Variants in CDH18 observed in about 807,000 individuals in gnomAD.
The protein encoded by CDH18 is cadherin 18.
Under a neutral mutation model 67.9 loss-of-function variants are expected in CDH18, and 31 were observed. The ratio of observed to expected loss-of-function variants is 0.46; its 90% CI spans 0.34 to 0.62. The LOEUF (loss-of-function observed/expected upper bound fraction) is 0.62. Ranked by LOEUF, CDH18 falls within the 20% of genes least tolerant of loss-of-function variation. The pLI, the probability that CDH18 is intolerant of heterozygous loss-of-function variation, is 0.01. For synonymous variants in CDH18, 362 were observed against 347.2 expected (o/e 1.04, Z -0.48); for missense variants, 890 against 975.5 (o/e 0.91, Z 1.17).
Position 20,150,727 on chromosome 5 carries a change from T to C in CDH18, c.-518+104717A>G, listed in dbSNP as rs138147638. Reference sequence around the variant, plus strand: ...GCCTATTGCAAAGATCTACCATAGATAGATCCATTATGTTTTTCTATGGAG... The same window carrying C: ...GCCTATTGCAAAGATCTACCATAGACAGATCCATTATGTTTTTCTATGGAG... On this transcript the variant is annotated intron_variant, in intron 2 of 14. Transcript: ENST00000507958. 2.9e-3 allele frequency among the ~76,000 whole-genome samples: 443 copies of C among 152,160 alleles called. 1 individual carries two copies. The highest frequency in any genetic ancestry group is 4.7e-3 in the Non-Finnish European group (319 of 67,938).
Position 19,747,127 on chromosome 5 carries a change from G to C in CDH18, c.338C>G (p.Thr113Arg). The C allele has an allele frequency of 6.2e-7, 1 of 1,614,076 alleles. No homozygotes were observed. The highest frequency in any genetic ancestry group is 8.5e-7 in the Non-Finnish European group (1 of 1,179,992). Residue 113 changes from threonine (T) to arginine (R), a missense_variant, in exon 4 of 13, where the codon ACA (threonine) becomes AGA (arginine). Around this residue, in one of 2 missense-constraint regions of CDH18, gnomAD observed 234 missense variants for 307.4 expected, o/e 0.76. Coordinates refer to ENST00000382275, the MANE Select transcript of CDH18 (RefSeq NM_004934.5). ...IDDTTGDIHSTKSLDREQKTH... is the reference protein window; with the variant it reads ...IDDTTGDIHSRKSLDREQKTH... ...CTTCTGCTCTCTGTCTAGGCTTTTT[G>C]TTGAGTGGATATCACCCGTGGTATC...
chr5:19,754,359 C>T (rs760043811), intron 3 of CDH18, among the ~76,000 whole-genome samples: 9 of 152,062 alleles, frequency 5.9e-5, no homozygotes, highest in Non-Finnish European at 1.0e-4. Flanking sequence ...GCAGGAGTAG[C>T]TATTCTTATA....
chr5:20,152,453 T>C (rs1358083640), intron 2 of CDH18, among the ~76,000 whole-genome samples: 1 of 151,640 alleles, frequency 6.6e-6, no homozygotes, highest in African/African-American at 2.4e-5. Flanking sequence ...TTGAAATACT[T>C]TCCTTGTAGA....
chr5:19,643,369 GATAAC>G (rs1171659587), intron 5 of CDH18, among the ~76,000 whole-genome samples: 9 of 152,134 alleles, frequency 5.9e-5, no homozygotes, highest in Non-Finnish European at 1.0e-4. Context: ...ATTTTGAGAA[GATAAC>G]TATAGTCCCA....
chr5:20,445,723 C>A (rs1202924149), intron 1 of CDH18, among the ~76,000 whole-genome samples: 3 of 152,144 alleles, frequency 2.0e-5, no homozygotes, highest in Non-Finnish European at 4.4e-5. Context: ...CAACTTGTTA[C>A]TGAGAATTCT....
At chr5:20,193,488 C>G (rs1307363515) in intron 2 of CDH18, among the ~76,000 whole-genome samples, 2 of 152,056 alleles carry the variant, frequency 1.3e-5, no homozygotes, top group Non-Finnish European at 2.9e-5. Context: ...AGATTCACAG[C>G]TGAATTCTAC....
intron 1 of CDH18, among the ~76,000 whole-genome samples, chr5:20,498,325 T>G (rs1383924621): frequency 6.6e-6 from 1 of 152,092 alleles, no homozygotes; most frequent in African/African-American, 2.4e-5. Flanking sequence ...CTTTTCCAGA[T>G]GTAACACAAT....
chr5:19,775,851 G>C (rs550585235), intron 3 of CDH18, among the ~76,000 whole-genome samples: 1 of 152,128 alleles, frequency 6.6e-6, no homozygotes, highest in Non-Finnish European at 1.5e-5. Context: ...AAAGGCCATG[G>C]TAAGGGAGAA....
intron 2 of CDH18, among the ~76,000 whole-genome samples, chr5:20,124,486 A>C (rs4354045): frequency 0.85 from 129,485 of 152,088 alleles, 56,472 homozygotes; most frequent in Non-Finnish European, 0.94. Context: ...AATTGCTGTG[A>C]GGATTAAAAT....
intron 1 of CDH18, among the ~76,000 whole-genome samples, chr5:20,309,639 C>G (rs76792324): frequency 6.6e-6 from 1 of 152,132 alleles, no homozygotes; most frequent in Non-Finnish European, 1.5e-5. Context: ...GTTAACATAT[C>G]ACTACATAAT....
intron 1 of CDH18, among the ~76,000 whole-genome samples, chr5:20,298,593 A>C (rs1419516091): frequency 1.3e-5 from 2 of 151,904 alleles, no homozygotes; most frequent in African/African-American, 4.8e-5. Flanking sequence ...AAATAGGGTT[A>C]ATATCCTTGG....
At chr5:19,619,518 G>T (rs1469146197) in intron 5 of CDH18, among the ~76,000 whole-genome samples, 1 of 152,150 alleles carries the variant, frequency 6.6e-6, no homozygotes, top group African/African-American at 2.4e-5. Context: ...CAGGCTTGGG[G>T]TCTGGAATAT....
chr5:20,320,803 A>G (rs1737943683), intron 1 of CDH18, among the ~76,000 whole-genome samples: 1 of 152,154 alleles, frequency 6.6e-6, no homozygotes. Flanking sequence ...CCTGTGGCCC[A>G]TGAGGGGACT....
At chr5:20,257,156 G>A (rs1265510249) in intron 1 of CDH18, among the ~76,000 whole-genome samples, 1 of 152,018 alleles carries the variant, frequency 6.6e-6, no homozygotes, top group East Asian at 1.9e-4. Flanking sequence ...AATATCTGAT[G>A]TAACTGATTT....
At chr5:20,513,839 C>T (rs1755199538) in intron 1 of CDH18, among the ~76,000 whole-genome samples, 1 of 152,046 alleles carries the variant, frequency 6.6e-6, no homozygotes, top group Non-Finnish European at 1.5e-5. Context: ...ATGACCATTT[C>T]TATCTCTTAA....
intron 1 of CDH18, among the ~76,000 whole-genome samples, chr5:20,500,745 A>C (rs77198217): frequency 6.6e-6 from 1 of 152,178 alleles, no homozygotes; most frequent in Non-Finnish European, 1.5e-5. Flanking sequence ...ATGTGTCCAA[A>C]TATTTGTTTA....
At chr5:20,311,963 T>C (rs774393707) in intron 1 of CDH18, among the ~76,000 whole-genome samples, 4 of 152,186 alleles carry the variant, frequency 2.6e-5, no homozygotes, top group Non-Finnish European at 1.5e-5. Flanking sequence ...CCCTATTTGC[T>C]GAACACATGG....
intron 1 of CDH18, among the ~76,000 whole-genome samples, chr5:20,442,921 A>G (rs772656078): frequency 2.0e-5 from 3 of 151,924 alleles, no homozygotes; most frequent in Admixed American, 6.5e-5. Flanking sequence ...ATACAAAAGT[A>G]TATCTTGGCC....
intron 1 of CDH18, among the ~76,000 whole-genome samples, chr5:20,409,642 A>G (rs1277023721): frequency 6.6e-6 from 1 of 151,738 alleles, no homozygotes; most frequent in African/African-American, 2.4e-5. Flanking sequence ...TAGCAGAAGA[A>G]CATAATAAAG....
Sources: allele counts gnomAD v4.1 joint callset (sites outside exome capture counted in the v4.1 genomes callset), GRCh38; gene constraint gnomAD v4.1.1; regional missense constraint gnomAD v4.1.1; transcripts MANE v1.5; gene names NCBI Gene and HGNC (gene_info 2026-07-23, HGNC 2026-07-21).